STIM1: variants seen among roughly 807,000 people sequenced by gnomAD.
STIM1 encodes the protein stromal interaction molecule 1.
In STIM1, 25 loss-of-function variants were observed where a neutral mutation model predicts 74.7. That is an observed-to-expected ratio of 0.33 (90% CI 0.24 to 0.47). STIM1 has a LOEUF of 0.47. STIM1 is among the 20% of genes least tolerant of loss of function. The probability of loss-of-function intolerance (pLI) is 1.00; values close to 1 mark genes in which losing one functional copy is unlikely to be tolerated. For missense variants in STIM1, 728 were observed against 920.8 expected, an observed-to-expected ratio of 0.79 and a Z score of 2.71; for synonymous variants, 328 against 348.8, an observed-to-expected ratio of 0.94 and a Z score of 0.66.
Position 3,856,206 on chromosome 11 carries a change from C to G in STIM1, c.-65C>G. 6.2e-7 allele frequency: 1 copy of G among 1,610,076 alleles called. No homozygotes were observed. The highest frequency in any genetic ancestry group is 8.5e-7 in the Non-Finnish European group (1 of 1,178,194). On this transcript the variant is annotated 5_prime_UTR_variant, in exon 1 of 13. Transcript: ENST00000526596. ...AGACCGTCGGCTGCACTCCCGGGCTCCTGGCTTTGCCTCTGGGATCCCGAG... is the reference window on the plus strand; with the variant it reads ...AGACCGTCGGCTGCACTCCCGGGCTGCTGGCTTTGCCTCTGGGATCCCGAG...
chr11:4,014,755 T>G (rs1317622216), intron 2 of STIM1, among the ~76,000 whole-genome samples: 1 of 152,200 alleles, frequency 6.6e-6, no homozygotes, highest in African/African-American at 2.4e-5. Flanking sequence ...GCATATATAT[T>G]TAGGATAGTT....
intron 1 of STIM1, among the ~76,000 whole-genome samples, chr11:3,894,527 A>G (rs1461920144): frequency 6.6e-6 from 1 of 152,146 alleles, no homozygotes; most frequent in Non-Finnish European, 1.5e-5. Flanking sequence ...TTAGCAGAGC[A>G]TGGGTCCCTT....
At chr11:4,074,447 G>A (rs2094425120) in intron 6 of STIM1, 55 bp from the exon 7 acceptor site, 1 of 1,604,986 alleles carries the variant, frequency 6.2e-7, no homozygotes, top group South Asian at 1.1e-5. Flanking sequence ...CTCATGGCAT[G>A]TTGGCTGGCA....
At chr11:3,902,314 G>A (rs1265503887) in intron 1 of STIM1, among the ~76,000 whole-genome samples, 2 of 152,168 alleles carry the variant, frequency 1.3e-5, no homozygotes, top group Non-Finnish European at 2.9e-5. Context: ...GCAGAAGCTT[G>A]GGAGGCATTT....
chr11:3,903,805 A>G (rs1187056586), intron 1 of STIM1, among the ~76,000 whole-genome samples: 1 of 152,138 alleles, frequency 6.6e-6, no homozygotes, highest in African/African-American at 2.4e-5. Context: ...TGTGAAAGAC[A>G]TAGTCTGTGT....
At chr11:3,896,189 C>A (rs1271602185) in intron 1 of STIM1, among the ~76,000 whole-genome samples, 7 of 149,586 alleles carry the variant, frequency 4.7e-5, no homozygotes, top group African/African-American at 1.8e-4. Context: ...CAGGCGTGAG[C>A]CACTGCACCT....
chr11:3,895,658 CTTT>C lies in STIM1; in HGVS notation c.139+39250_139+39252del, dbSNP rs1565104677. Among the ~76,000 whole-genome samples the C allele has an allele frequency of 4.6e-3, 81 of 17,714 alleles. 1 individual carries two copies. The highest frequency in any genetic ancestry group is 7.0e-3 in the Non-Finnish European group (59 of 8,472). The allele number at this position is 17,714 out of a possible 152,430, so 11.6% of individuals were successfully genotyped here. ...TCTTTCTTTCTTTCTTTCTTTCTTT[CTTT>C]CTTTCTTTCTTTCCTTCCTTCCTTC... On this transcript the variant is annotated intron_variant, in intron 1 of 12. Transcript: ENST00000526596.
At position 3,856,049 on chromosome 11, in the gene STIM1, G is replaced by C. The variant is rs2090353555; in HGVS notation, c.-222G>C. ...AGCTCAGGCCGCCGCAGCCCCGGCG[G>C]ACCCACTGTTGGACCTGAGGAGCCA... is the stretch of plus-strand genomic sequence containing the variant. On this transcript the variant is annotated 5_prime_UTR_variant, in exon 1 of 13. Coordinates refer to ENST00000526596, the MANE Select transcript of STIM1 (RefSeq NM_001382567.1). The C allele has an allele frequency of 1.7e-6, 1 of 581,658 alleles. No individual in the cohort carries two copies. Among genetic ancestry groups the C allele is most frequent in the African/African-American group, 1.9e-5 (1 of 53,442 alleles). The allele number at this position is 581,658 out of a possible 1,614,324, so 36.0% of individuals were successfully genotyped here.
intron 3 of STIM1, among the ~76,000 whole-genome samples, chr11:4,049,901 T>C (rs1402180867): frequency 6.6e-6 from 1 of 152,114 alleles, no homozygotes; most frequent in East Asian, 1.9e-4. Context: ...GGGGATAAAA[T>C]GGGATATCTA....
In STIM1 at chr11:3,862,004, T is replaced by C. The variant is rs192998519; in HGVS notation, c.139+5595T>C. Among the ~76,000 whole-genome samples the C allele has an allele frequency of 1.8e-3, 270 of 152,228 alleles. 1 individual carries two copies. Among genetic ancestry groups the C allele is most frequent in the Non-Finnish European group, 3.4e-3 (230 of 68,010 alleles). On this transcript the variant is annotated intron_variant, in intron 1 of 12. Transcript: ENST00000526596. Reference sequence around the variant, plus strand: ...ATTTCCCTTTGTGGAAAATGATTCTTTGGGAAACTCAGCAGGTTTGGTTGT... The same window carrying C: ...ATTTCCCTTTGTGGAAAATGATTCTCTGGGAAACTCAGCAGGTTTGGTTGT...
intron 2 of STIM1, among the ~76,000 whole-genome samples, chr11:4,022,838 G>A (rs1227901406): frequency 9.2e-5 from 14 of 152,148 alleles, no homozygotes. Flanking sequence ...TTGACTCAGG[G>A]CCCCTCAGGG....
At chr11:3,861,855 G>C (rs2090625819) in intron 1 of STIM1, among the ~76,000 whole-genome samples, 1 of 152,154 alleles carries the variant, frequency 6.6e-6, no homozygotes, top group South Asian at 2.1e-4. Flanking sequence ...GAGATCTTGT[G>C]GAGGGGAGTA....
At chr11:4,089,348 C>T (rs771523075) in intron 12 of STIM1, among the ~76,000 whole-genome samples, 5 of 152,150 alleles carry the variant, frequency 3.3e-5, no homozygotes, top group Non-Finnish European at 7.4e-5. Context: ...GGTAGGATCC[C>T]AGAATCTTCA....
intron 1 of STIM1, among the ~76,000 whole-genome samples, chr11:3,923,889 T>C (rs532062714): frequency 6.6e-6 from 1 of 152,298 alleles, no homozygotes; most frequent in African/African-American, 2.4e-5. Context: ...AAAACCCCTG[T>C]TGGGATTTTG....
chr11:4,092,914 T>C lies in STIM1; in HGVS notation c.*1116T>C, dbSNP rs187828520. ...GAAGGGGTGGCTAAGGAAGATGGTA[T>C]AGGTGAAGGCGGCTGTGTGACCACT... On this transcript the variant is annotated 3_prime_UTR_variant, in exon 13 of 13. Coordinates refer to ENST00000526596, the MANE Select transcript of STIM1 (RefSeq NM_001382567.1). The C allele has an allele frequency of 2.0e-5, 3 of 152,452 alleles. No individual in the cohort carries two copies. The East Asian group carries it at 5.8e-4, about 29-fold the overall frequency. The allele number at this position is 152,452 out of a possible 1,614,324, so 9.4% of individuals were successfully genotyped here.
chr11:4,034,481 C>T (rs113591512), intron 3 of STIM1, among the ~76,000 whole-genome samples: 1 of 151,988 alleles, frequency 6.6e-6, no homozygotes, highest in Admixed American at 6.6e-5. Flanking sequence ...GGATAAATCC[C>T]CTTGGTCATA....
At chr11:3,982,377 A>G (rs1048487710) in intron 2 of STIM1, among the ~76,000 whole-genome samples, 3 of 152,200 alleles carry the variant, frequency 2.0e-5, no homozygotes, top group Non-Finnish European at 2.9e-5. Context: ...TTACCGTCAA[A>G]TTAGTCAGTA....
chr11:3,937,318 A>AATAAT (rs2092946314), intron 1 of STIM1, among the ~76,000 whole-genome samples: 1 of 147,908 alleles, frequency 6.8e-6, no homozygotes. Flanking sequence ...TAATAATAAT[A>AATAAT]AAATATCTGG....
chr11:3,858,883 T>C (rs904052218), intron 1 of STIM1, among the ~76,000 whole-genome samples: 1 of 152,248 alleles, frequency 6.6e-6, no homozygotes, highest in Non-Finnish European at 1.5e-5. Flanking sequence ...TGAAGAAACC[T>C]GGTCCTGTGC....
Sources: allele counts gnomAD v4.1 joint callset (sites outside exome capture counted in the v4.1 genomes callset), GRCh38; gene constraint gnomAD v4.1.1; transcripts MANE v1.5; gene names NCBI Gene and HGNC (gene_info 2026-07-23, HGNC 2026-07-21).